RPS6KC1: variants seen among roughly 807,000 people sequenced by gnomAD.
The protein encoded by RPS6KC1 is inactive ribosomal protein S6 kinase delta-1.
Under a neutral mutation model 103.8 loss-of-function variants are expected in RPS6KC1, and 54 were observed. That is an observed-to-expected ratio of 0.52 (90% CI 0.42 to 0.65). RPS6KC1 has a LOEUF of 0.65. RPS6KC1 is among the 30% of genes least tolerant of loss of function. The pLI, the probability that RPS6KC1 is intolerant of heterozygous loss-of-function variation, is 0.00. For synonymous variants in RPS6KC1, 439 were observed against 438.7 expected (o/e 1.00, Z -0.01); for missense variants, 1,151 against 1,253.8 (o/e 0.92, Z 1.24).
At chr1:213,430,506 A>G in the RPS6KC1 span, among the ~76,000 whole-genome samples, 1 of 152,202 alleles carries the variant, frequency 6.6e-6, no homozygotes, top group East Asian at 1.9e-4. Context: ...GTGTTTATCT[A>G]CTGTTTGGAT....
At chr1:213,572,673 C>A in the RPS6KC1 span, among the ~76,000 whole-genome samples, 1 of 151,882 alleles carries the variant, frequency 6.6e-6, no homozygotes, top group Non-Finnish European at 1.5e-5. Context: ...ATAATTAAAC[C>A]ATTGATTTGG....
chr1:213,327,842 G>A, the RPS6KC1 span, among the ~76,000 whole-genome samples: 2 of 152,198 alleles, frequency 1.3e-5, no homozygotes, highest in African/African-American at 4.8e-5. Flanking sequence ...TGTTCCCTCT[G>A]CCAGACAATC....
the RPS6KC1 span, among the ~76,000 whole-genome samples, chr1:213,831,502 G>C: frequency 6.6e-6 from 1 of 152,158 alleles, no homozygotes; most frequent in East Asian, 1.9e-4. Context: ...CAGACACCTT[G>C]ATTTCAGACT....
chr1:213,392,004 G>A, the RPS6KC1 span, among the ~76,000 whole-genome samples: 1 of 152,074 alleles, frequency 6.6e-6, no homozygotes, highest in Non-Finnish European at 1.5e-5. Context: ...TAGCAATTTG[G>A]TTTTTGAATT....
At chr1:213,316,871 G>C in the RPS6KC1 span, among the ~76,000 whole-genome samples, 2 of 152,152 alleles carry the variant, frequency 1.3e-5, no homozygotes, top group Non-Finnish European at 2.9e-5. Flanking sequence ...CAAAAGTCCT[G>C]CAGTAGGCAT....
chr1:213,433,643 T>G, the RPS6KC1 span, among the ~76,000 whole-genome samples: 2 of 152,236 alleles, frequency 1.3e-5, no homozygotes, highest in Non-Finnish European at 2.9e-5. Context: ...ACACTTGGTT[T>G]TCTGTGTTTT....
At chr1:213,133,604 C>T (rs1336673713) in intron 6 of RPS6KC1, among the ~76,000 whole-genome samples, 1 of 152,100 alleles carries the variant, frequency 6.6e-6, no homozygotes, top group Non-Finnish European at 1.5e-5. Context: ...TAGTAACACC[C>T]ATCTGTGGGC....
At chr1:213,129,147 AAAAG>A (rs1375285938) in intron 5 of RPS6KC1, among the ~76,000 whole-genome samples, 1 of 152,198 alleles carries the variant, frequency 6.6e-6, no homozygotes, top group Non-Finnish European at 1.5e-5. Context: ...CAAAACAAAA[AAAAG>A]AGAGCTGAGA....
the RPS6KC1 span, among the ~76,000 whole-genome samples, chr1:213,601,110 GA>G: frequency 6.6e-6 from 1 of 152,088 alleles, no homozygotes; most frequent in Non-Finnish European, 1.5e-5. Context: ...AGAAGCAGGT[GA>G]AAAAATTTGA....
the RPS6KC1 span, among the ~76,000 whole-genome samples, chr1:213,433,476 A>G: frequency 6.6e-6 from 1 of 152,134 alleles, no homozygotes; most frequent in East Asian, 1.9e-4. Flanking sequence ...TTGTTCTTTA[A>G]TTTCCTTTAG....
At chr1:213,690,270 C>A in the RPS6KC1 span, among the ~76,000 whole-genome samples, 3 of 152,154 alleles carry the variant, frequency 2.0e-5, no homozygotes, top group Non-Finnish European at 4.4e-5. Context: ...GAAAGATATT[C>A]TCTATTTGTT....
chr1:213,728,939 TTTTTTTTTG>T, the RPS6KC1 span, among the ~76,000 whole-genome samples: 2,660 of 97,434 alleles, frequency 0.027, 183 homozygotes, highest in African/African-American at 0.11. Flanking sequence ...ACATGAGGGT[TTTTTTTTTG>T]TTTTTTTTTT....
At chr1:213,692,232 GTC>G in the RPS6KC1 span, among the ~76,000 whole-genome samples, 29 of 152,018 alleles carry the variant, frequency 1.9e-4, no homozygotes, top group South Asian at 5.4e-3. Flanking sequence ...GTGAAACTCT[GTC>G]TCTACTAAAA....
At chr1:213,705,575 T>A in the RPS6KC1 span, among the ~76,000 whole-genome samples, 1 of 152,236 alleles carries the variant, frequency 6.6e-6, no homozygotes, top group Non-Finnish European at 1.5e-5. Context: ...AGCCAAGTCC[T>A]GGAATCACCT....
chr1:213,434,675 C>T, the RPS6KC1 span, among the ~76,000 whole-genome samples: 1 of 152,204 alleles, frequency 6.6e-6, no homozygotes, highest in Admixed American at 6.5e-5. Context: ...AGGCTGGTCT[C>T]CAACTCCTGA....
At chr1:213,355,054 C>T in the RPS6KC1 span, among the ~76,000 whole-genome samples, 1 of 152,118 alleles carries the variant, frequency 6.6e-6, no homozygotes, top group Non-Finnish European at 1.5e-5. Context: ...CCTGCCTCTA[C>T]TAAAAATACA....
chr1:213,328,504 CTA>C, the RPS6KC1 span, among the ~76,000 whole-genome samples: 196 of 101,426 alleles, frequency 1.9e-3, no homozygotes, highest in South Asian at 4.4e-3. Flanking sequence ...AGCCATTATA[CTA>C]TATATATATA....
the RPS6KC1 span, among the ~76,000 whole-genome samples, chr1:213,355,078 T>C: frequency 3.6e-4 from 55 of 152,060 alleles, no homozygotes; most frequent in Non-Finnish European, 6.8e-4. Flanking sequence ...ATTAGTCAGG[T>C]GTGGTGGCGT....
chr1:213,369,279 C>T, the RPS6KC1 span, among the ~76,000 whole-genome samples: 1 of 152,246 alleles, frequency 6.6e-6, no homozygotes, highest in African/African-American at 2.4e-5. Context: ...TGGATCCTGA[C>T]ATTCTACCAT....
Sources: allele counts gnomAD v4.1 joint callset (sites outside exome capture counted in the v4.1 genomes callset), GRCh38; gene constraint gnomAD v4.1.1; transcripts MANE v1.5; gene names NCBI Gene and HGNC (gene_info 2026-07-23, HGNC 2026-07-21).